The following ADGRB3 variants were observed in gnomAD, a reference collection of about 807,000 sequenced individuals.
The protein encoded by ADGRB3 is adhesion G protein-coupled receptor B3.
In ADGRB3, 37 loss-of-function variants were observed where a neutral mutation model predicts 193.4. The observed-to-expected ratio is 0.19, with a 90% CI of 0.15 to 0.25. The LOEUF is 0.25. Among genes scored for constraint, ADGRB3 ranks in the 10% least tolerant of loss-of-function variants. The probability of loss-of-function intolerance (pLI) is 1.00; values close to 1 mark genes in which losing one functional copy is unlikely to be tolerated. For synonymous variants in ADGRB3, 690 were observed against 644.2 expected, an observed-to-expected ratio of 1.07 and a Z score of -1.08; for missense variants, 1,637 against 1,852.9, an observed-to-expected ratio of 0.88 and a Z score of 2.14.
At chr6:69,024,949 G>A (rs183217529) in intron 13 of ADGRB3, among the ~76,000 whole-genome samples, 2,607 of 151,976 alleles carry the variant, frequency 0.017, 80 homozygotes, top group African/African-American at 0.059. Flanking sequence ...AAAATTAGCC[G>A]GGCGTGGTGG....
chr6:69,115,662 A>G (rs1773511305), intron 17 of ADGRB3, among the ~76,000 whole-genome samples: 1 of 152,226 alleles, frequency 6.6e-6, no homozygotes, highest in Admixed American at 6.5e-5. Flanking sequence ...TTAAATTAAA[A>G]TGGATCATAT....
chr6:68,953,535 C>T (rs959602266), intron 6 of ADGRB3, among the ~76,000 whole-genome samples: 4 of 152,090 alleles, frequency 2.6e-5, no homozygotes, highest in African/African-American at 4.8e-5. Flanking sequence ...AAAATGCACT[C>T]ATGTTTAAAG....
intron 3 of ADGRB3, among the ~76,000 whole-genome samples, chr6:68,794,214 T>A (rs1767164459): frequency 6.6e-6 from 1 of 152,054 alleles, no homozygotes; most frequent in South Asian, 2.1e-4. Context: ...TTGGAAATGA[T>A]ACAAAGCTAT....
chr6:69,012,089 C>T (rs1040563476), intron 11 of ADGRB3, among the ~76,000 whole-genome samples: 1 of 152,044 alleles, frequency 6.6e-6, no homozygotes, highest in African/African-American at 2.4e-5. Context: ...AAAAAAAGAA[C>T]TGAACTCTGA....
At chr6:69,343,002 C>T (rs1769007903) in intron 26 of ADGRB3, among the ~76,000 whole-genome samples, 2 of 151,110 alleles carry the variant, frequency 1.3e-5, no homozygotes, top group African/African-American at 2.4e-5. Context: ...GAAGGCTTTA[C>T]CCATATTTAT....
intron 20 of ADGRB3, among the ~76,000 whole-genome samples, chr6:69,284,433 C>CGGCATTGT (rs1198193297): frequency 6.6e-6 from 1 of 151,992 alleles, no homozygotes; most frequent in Non-Finnish European, 1.5e-5. Flanking sequence ...GCTTGACTAC[C>CGGCATTGT]GGCATTGTGA....
chr6:69,295,902 C>A (rs1443147140), intron 20 of ADGRB3, among the ~76,000 whole-genome samples: 1 of 152,144 alleles, frequency 6.6e-6, no homozygotes, highest in Non-Finnish European at 1.5e-5. Context: ...ACATTGCCTT[C>A]TTATTCACAT....
intron 26 of ADGRB3, 134 bp from the exon 27 acceptor site, chr6:69,354,099 A>T: frequency 3.7e-6 from 2 of 547,320 alleles, no homozygotes; most frequent in East Asian, 5.6e-5. Context: ...AAGTTTTTTT[A>T]AAAAGAAGTA....
rs368204517 is a variant in ADGRB3 at position 69,017,628 on chromosome 6, A to G, written c.1999-763A>G. On this transcript the variant is annotated intron_variant, in intron 12 of 31. Coordinates refer to ENST00000370598, the MANE Select transcript of ADGRB3 (RefSeq NM_001704.3). ...AAAAAATCACTTGGACCATGGAGGC[A>G]GATGGTCCTCTAGGTAGGCAGGTAG... Among the ~76,000 whole-genome samples, 11 of 151,932 alleles carry G rather than the reference A, an allele frequency of 7.2e-5. No individual in the cohort carries two copies. The East Asian group carries it at 1.5e-3, about 21-fold the overall frequency.
chr6:68,638,608 C>G (rs571499652), intron 2 of ADGRB3, 53 bp from the exon 3 acceptor site: 1 of 1,478,046 alleles, frequency 6.8e-7, no homozygotes, highest in African/African-American at 1.4e-5. Flanking sequence ...AGTTTATTTT[C>G]TCAATGCACG....
chr6:68,695,284 C>G (rs1390861511), intron 3 of ADGRB3, among the ~76,000 whole-genome samples: 1 of 151,912 alleles, frequency 6.6e-6, no homozygotes, highest in South Asian at 2.1e-4. Context: ...GAAATCATAT[C>G]AGAGAATTTC....
At chr6:69,375,762 A>G (rs1769803506) in intron 30 of ADGRB3, among the ~76,000 whole-genome samples, 1 of 151,976 alleles carries the variant, frequency 6.6e-6, no homozygotes, top group Admixed American at 6.6e-5. Flanking sequence ...AGAAGTATCC[A>G]TGAAACCCCA....
intron 3 of ADGRB3, among the ~76,000 whole-genome samples, chr6:68,797,297 T>A (rs1219908562): frequency 6.6e-6 from 1 of 152,060 alleles, no homozygotes; most frequent in East Asian, 1.9e-4. Context: ...ACAAACCACA[T>A]GCAGAAATAT....
intron 3 of ADGRB3, among the ~76,000 whole-genome samples, chr6:68,926,291 A>G (rs6455307): frequency 0.34 from 50,987 of 151,942 alleles, 9,577 homozygotes; most frequent in Middle Eastern, 0.53. Context: ...AATAATTATA[A>G]TGAAAGTCCA....
chr6:69,281,728 C>G (rs1767441347), intron 20 of ADGRB3, among the ~76,000 whole-genome samples: 1 of 152,132 alleles, frequency 6.6e-6, no homozygotes, highest in South Asian at 2.1e-4. Flanking sequence ...AGAAGGATTC[C>G]TTTGGGGAGA....
intron 16 of ADGRB3, among the ~76,000 whole-genome samples, chr6:69,064,431 A>G (rs1453849173): frequency 1.3e-5 from 2 of 151,972 alleles, no homozygotes; most frequent in Non-Finnish European, 2.9e-5. Context: ...TACTAGTTCT[A>G]TCTAACCTTA....
chr6:69,080,642 T>C (rs1415263462), intron 17 of ADGRB3, among the ~76,000 whole-genome samples: 1 of 149,664 alleles, frequency 6.7e-6, no homozygotes, highest in Non-Finnish European at 1.5e-5. Context: ...TTGAAGCCTT[T>C]TCGTGAGCAG....
intron 3 of ADGRB3, among the ~76,000 whole-genome samples, chr6:68,778,847 C>T (rs937208579): frequency 6.6e-6 from 1 of 151,952 alleles, no homozygotes; most frequent in African/African-American, 2.4e-5. Context: ...GGACTTAACC[C>T]AAACAGTATG....
chr6:68,716,098 G>C (rs1481527060), intron 3 of ADGRB3, among the ~76,000 whole-genome samples: 1 of 151,652 alleles, frequency 6.6e-6, no homozygotes, highest in African/African-American at 2.4e-5. Context: ...AGTTATTCAA[G>C]GTTATACAAA....
Sources: gnomAD v4.1 joint callset for allele counts (sites outside exome capture counted in the v4.1 genomes callset) on GRCh38, gnomAD v4.1.1 for gene constraint, MANE v1.5 for transcripts, NCBI Gene and HGNC (gene_info 2026-07-23, HGNC 2026-07-21) for gene names.